Variants in ANKS1B observed in about 807,000 individuals in gnomAD.
ANKS1B encodes the protein ankyrin repeat and sterile alpha motif domain containing 1B, also known as ankyrin repeat and sterile alpha motif domain-containing protein 1B.
A neutral mutation model predicts 148.3 loss-of-function variants in ANKS1B; 36 were observed. The observed-to-expected ratio is 0.24, with a 90% CI of 0.19 to 0.32. ANKS1B has a LOEUF of 0.32. Ranked by LOEUF, ANKS1B falls within the 10% of genes least tolerant of loss-of-function variation. The pLI is 1.00. For missense variants in ANKS1B, 1,157 were observed against 1,542.6 expected, an observed-to-expected ratio of 0.75 and a Z score of 4.19; for synonymous variants, 542 against 560.8, an observed-to-expected ratio of 0.97 and a Z score of 0.47.
chr12:99,036,533 T>C (rs2153476453), intron 17 of ANKS1B, among the ~76,000 whole-genome samples: 1 of 152,352 alleles, frequency 6.6e-6, no homozygotes, highest in East Asian at 1.9e-4. Flanking sequence ...CATACCCACA[T>C]GCTTGGTCAT....
intron 8 of ANKS1B, among the ~76,000 whole-genome samples, chr12:99,742,688 A>T (rs910805620): frequency 8.6e-5 from 13 of 151,898 alleles, no homozygotes; most frequent in Middle Eastern, 3.2e-3. Flanking sequence ...CAAAAAAAAA[A>T]TTAGCCAGGC....
intron 9 of ANKS1B, among the ~76,000 whole-genome samples, chr12:99,604,553 G>T (rs1345253537): frequency 1.3e-5 from 2 of 151,882 alleles, no homozygotes; most frequent in Admixed American, 1.3e-4. Context: ...AGTGCCTAAC[G>T]CCTGTAATGC....
chr12:99,098,043 C>A (rs2056785186), intron 15 of ANKS1B, among the ~76,000 whole-genome samples: 1 of 152,188 alleles, frequency 6.6e-6, no homozygotes, highest in Non-Finnish European at 1.5e-5. Flanking sequence ...CTAACAATAA[C>A]AATAACGGCT....
chr12:99,809,343 A>G (rs2068042431), intron 3 of ANKS1B, among the ~76,000 whole-genome samples: 1 of 151,866 alleles, frequency 6.6e-6, no homozygotes, highest in Admixed American at 6.6e-5. Context: ...TGTTTTTCAG[A>G]TAAGGCCCCT....
At chr12:98,838,608 T>C (rs1390455005) in intron 17 of ANKS1B, among the ~76,000 whole-genome samples, 3 of 152,198 alleles carry the variant, frequency 2.0e-5, no homozygotes, top group African/African-American at 7.2e-5. Context: ...TTTTTATTTC[T>C]AGATTGTTAT....
intron 9 of ANKS1B, among the ~76,000 whole-genome samples, chr12:99,608,797 G>A (rs541949265): frequency 6.6e-5 from 10 of 152,046 alleles, no homozygotes; most frequent in African/African-American, 2.4e-4. Context: ...GTCTCCTTCC[G>A]GTCCCTATGT....
chr12:99,961,056 C>A (rs1022120160), intron 1 of ANKS1B, among the ~76,000 whole-genome samples: 3 of 152,076 alleles, frequency 2.0e-5, no homozygotes, highest in African/African-American at 7.2e-5. Context: ...GGTGAAACTC[C>A]ATCTCTACTA....
At chr12:98,736,562 C>A (rs958243795) in intron 9 of ANKS1B, among the ~76,000 whole-genome samples, 1 of 152,080 alleles carries the variant, frequency 6.6e-6, no homozygotes, top group African/African-American at 2.4e-5. Context: ...TGGGAAAGCT[C>A]CACCAGGAGG....
intron 9 of ANKS1B, among the ~76,000 whole-genome samples, chr12:99,591,168 T>C (rs2097699452): frequency 6.6e-6 from 1 of 152,126 alleles, no homozygotes; most frequent in Admixed American, 6.6e-5. Flanking sequence ...CTAGTTTTTG[T>C]TCCAATGACT....
chr12:99,944,756 T>C (rs1284358979), intron 1 of ANKS1B, among the ~76,000 whole-genome samples: 3 of 152,146 alleles, frequency 2.0e-5, no homozygotes, highest in African/African-American at 7.2e-5. Context: ...TTGAGAATGA[T>C]ACCTAGAAAT....
intron 15 of ANKS1B, among the ~76,000 whole-genome samples, chr12:99,138,552 G>A (rs147192228): frequency 4.5e-4 from 68 of 152,212 alleles, no homozygotes; most frequent in African/African-American, 1.4e-3. Flanking sequence ...CGTGTGTGCT[G>A]TCATCTGGGT....
At chr12:99,067,971 G>A (rs1316992477) in intron 16 of ANKS1B, among the ~76,000 whole-genome samples, 1 of 151,846 alleles carries the variant, frequency 6.6e-6, no homozygotes, top group Non-Finnish European at 1.5e-5. Context: ...AGAATCTTCA[G>A]CTCTATTTAT....
chr12:98,799,020 A>T lies in ANKS1B; in HGVS notation c.3271-15T>A. On this transcript the variant is annotated splice_polypyrimidine_tract_variant and intron_variant, in intron 21 of 26. Coordinates refer to ENST00000683438, the MANE Select transcript of ANKS1B (RefSeq NM_001352186.2). ...GAACCTAAATACTAAAATACAAAAAAAATTCAATGATTTATGAAATGGAAT... is the reference window on the plus strand; with the variant it reads ...GAACCTAAATACTAAAATACAAAAATAATTCAATGATTTATGAAATGGAAT... The T allele has an allele frequency of 1.3e-6, 2 of 1,571,068 alleles. No homozygotes were observed. Among genetic ancestry groups the T allele is most frequent in the South Asian group, 2.3e-5 (2 of 85,134 alleles).
At chr12:99,808,340 G>A (rs1174571401) in intron 3 of ANKS1B, among the ~76,000 whole-genome samples, 3 of 152,074 alleles carry the variant, frequency 2.0e-5, no homozygotes, top group African/African-American at 7.2e-5. Context: ...TTAAAAAGGA[G>A]TAGAGTGACA....
intron 9 of ANKS1B, among the ~76,000 whole-genome samples, chr12:99,566,860 C>T (rs2097400084): frequency 6.6e-6 from 1 of 152,186 alleles, no homozygotes; most frequent in Non-Finnish European, 1.5e-5. Context: ...TGGACTAAGA[C>T]ATAGGCTTCC....
chr12:98,926,393 T>C (rs968770680), intron 17 of ANKS1B, among the ~76,000 whole-genome samples: 1 of 152,122 alleles, frequency 6.6e-6, no homozygotes, highest in African/African-American at 2.4e-5. Context: ...ATAAAGGGCA[T>C]CAACAACAGA....
chr12:98,748,226 G>A (rs74935880), intron 26 of ANKS1B, among the ~76,000 whole-genome samples: 2,854 of 152,238 alleles, frequency 0.019, 97 homozygotes, highest in African/African-American at 0.065. Flanking sequence ...CAGAGGTAAG[G>A]GAAAATGGTC....
chr12:99,167,475 G>T (rs2077302196), intron 14 of ANKS1B, among the ~76,000 whole-genome samples: 1 of 152,128 alleles, frequency 6.6e-6, no homozygotes, highest in African/African-American at 2.4e-5. Flanking sequence ...CATTTGAAAA[G>T]AGGCTCAACA....
rs76881745 is a variant in ANKS1B at position 98,801,736 on chromosome 12, A to G, written c.3142-611T>C. On this transcript the variant is annotated intron_variant, in intron 20 of 26. Transcript: ENST00000683438. This position sits in a 1 kb window ranked among gnomAD's most constrained non-coding sequence, Gnocchi z 5.2. ...TTCAGCTACTTTTCTCAGAAAACCT[A>G]ACGTACCAATGAAGACTAAACAGTG... Among the ~76,000 whole-genome samples, 268 of 152,326 alleles carry G rather than the reference A, an allele frequency of 1.8e-3. 1 individual carries two copies. Among genetic ancestry groups the G allele is most frequent in the African/African-American group, 6.2e-3 (256 of 41,562 alleles).
Sources: allele counts gnomAD v4.1 joint callset (sites outside exome capture counted in the v4.1 genomes callset), GRCh38; gene constraint gnomAD v4.1.1; non-coding constraint Gnocchi (gnomAD v3.1); transcripts MANE v1.5; gene names NCBI Gene and HGNC (gene_info 2026-07-23, HGNC 2026-07-21).